DPY19L3: variants seen among roughly 807,000 people sequenced by gnomAD.
DPY19L3 encodes the protein protein C-mannosyl-transferase DPY19L3.
Under a neutral mutation model 92.3 loss-of-function variants are expected in DPY19L3, and 51 were observed. The ratio of observed to expected loss-of-function variants is 0.55; its 90% CI spans 0.44 to 0.70. DPY19L3 has a LOEUF of 0.70. DPY19L3 is among the 30% of genes least tolerant of loss of function. DPY19L3 has a pLI of 0.00. For synonymous variants in DPY19L3, 309 were observed against 315.2 expected, an observed-to-expected ratio of 0.98 and a Z score of 0.21; for missense variants, 706 against 855.9, an observed-to-expected ratio of 0.82 and a Z score of 2.18.
intron 1 of DPY19L3, among the ~76,000 whole-genome samples, chr19:32,407,629 A>G (rs1455991788): frequency 2.0e-5 from 3 of 152,158 alleles, no homozygotes; most frequent in Non-Finnish European, 1.5e-5. Context: ...ATGTCCCAAG[A>G]TGTTCTGGAA....
intron 17 of DPY19L3, 87 bp downstream of exon 17, chr19:32,477,741 C>A: frequency 6.5e-7 from 1 of 1,538,428 alleles, no homozygotes; most frequent in Non-Finnish European, 8.8e-7. Context: ...GGGCTGAATG[C>A]TGCACCCTCC....
chr19:32,449,999 G>A (rs1969646161), intron 8 of DPY19L3, among the ~76,000 whole-genome samples: 1 of 132,216 alleles, frequency 7.6e-6, no homozygotes, highest in South Asian at 2.6e-4. Flanking sequence ...GAGAATATTT[G>A]CAATCATATA....
At chr19:32,428,502 A>G (rs1205242635) in intron 3 of DPY19L3, among the ~76,000 whole-genome samples, 1 of 152,134 alleles carries the variant, frequency 6.6e-6, no homozygotes, top group East Asian at 1.9e-4. Context: ...TGGCTGGGAA[A>G]TGAGTAAGAG....
intron 16 of DPY19L3, among the ~76,000 whole-genome samples, chr19:32,472,901 A>T (rs1008544621): frequency 2.0e-5 from 3 of 152,240 alleles, no homozygotes; most frequent in African/African-American, 7.2e-5. Context: ...ACATTTAACC[A>T]AAGCAGAAAG....
chr19:32,423,311 T>C (rs1445426551), intron 3 of DPY19L3, among the ~76,000 whole-genome samples: 1 of 151,806 alleles, frequency 6.6e-6, no homozygotes, highest in African/African-American at 2.4e-5. Context: ...TGATCTTGGC[T>C]CACTGCAACC....
At chr19:32,412,030 C>A (rs1460842348) in intron 3 of DPY19L3, 1 of 152,156 alleles carries the variant, frequency 6.6e-6, no homozygotes, top group Non-Finnish European at 1.5e-5. Flanking sequence ...GCATGCACCA[C>A]CTCACCAAGC....
intron 3 of DPY19L3, 138 bp from the exon 4 acceptor site, chr19:32,432,578 G>T: frequency 1.6e-6 from 1 of 643,424 alleles, no homozygotes; most frequent in South Asian, 2.1e-5. Flanking sequence ...TTCCATTCTT[G>T]TTTGCCAAGA....
At chr19:32,407,273 C>CT (rs754062545) in intron 1 of DPY19L3, among the ~76,000 whole-genome samples, 1 of 100,362 alleles carries the variant, frequency 1.0e-5, no homozygotes, top group African/African-American at 3.9e-5. Context: ...CTCCCCCCCA[C>CT]CCATTACTCC....
At chr19:32,457,799 C>T (rs994273945) in intron 10 of DPY19L3, among the ~76,000 whole-genome samples, 3 of 152,194 alleles carry the variant, frequency 2.0e-5, no homozygotes, top group African/African-American at 7.2e-5. Context: ...ATGCCTCAGC[C>T]TTCTCCCTCT....
intron 2 of DPY19L3, among the ~76,000 whole-genome samples, chr19:32,409,106 G>T (rs1968086411): frequency 6.6e-6 from 1 of 152,248 alleles, no homozygotes; most frequent in African/African-American, 2.4e-5. Flanking sequence ...GGGAGGTCAT[G>T]ACACCTGGCT....
At chr19:32,455,154 G>A in intron 10 of DPY19L3, 114 bp downstream of exon 10, 1 of 712,644 alleles carries the variant, frequency 1.4e-6, no homozygotes, top group Middle Eastern at 4.4e-4. Context: ...TAGAGACAGG[G>A]TCTTGCCGTT....
chr19:32,458,195 ATGTT>A, intron 11 of DPY19L3, 22 bp downstream of exon 11: 1 of 1,604,882 alleles, frequency 6.2e-7, no homozygotes, highest in African/African-American at 1.3e-5. Context: ...TTGAAAGTCT[ATGTT>A]TGCTATTTTC....
chr19:32,419,049 C>T (rs1477072101), intron 3 of DPY19L3, among the ~76,000 whole-genome samples: 1 of 151,528 alleles, frequency 6.6e-6, no homozygotes. Context: ...ATTATATTTC[C>T]CTTGCTAGGA....
intron 1 of DPY19L3, chr19:32,406,305 A>T (rs1456758502): frequency 6.6e-6 from 1 of 152,286 alleles, no homozygotes; most frequent in Non-Finnish European, 1.5e-5. Context: ...GCGCGTAGGT[A>T]AGCGGACCCG....
At chr19:32,416,931 G>A (rs1399142472) in intron 3 of DPY19L3, among the ~76,000 whole-genome samples, 1 of 152,240 alleles carries the variant, frequency 6.6e-6, no homozygotes, top group Admixed American at 6.5e-5. Flanking sequence ...AGGCCACATG[G>A]TTGAGTGTTC....
chr19:32,408,020 G>T (rs1331308273), intron 1 of DPY19L3, among the ~76,000 whole-genome samples, 197 bp from the exon 2 acceptor site: 1 of 152,092 alleles, frequency 6.6e-6, no homozygotes, highest in Non-Finnish European at 1.5e-5. Context: ...TGGAAGTAGA[G>T]GCTACAGTGA....
rs370469493 is a variant in DPY19L3, at chr19:32,436,375, GT to G, written c.329-70del. 6 of 1,215,098 alleles carry G rather than the reference GT, an allele frequency of 4.9e-6. No individual in the cohort carries two copies. The African/African-American group carries it at 9.2e-5, about 19-fold the overall frequency. The allele number at this position is 1,215,098 out of a possible 1,614,324, so 75.3% of individuals were successfully genotyped here. On this transcript the variant is annotated intron_variant, in intron 4 of 18. Coordinates refer to ENST00000392250, the MANE Select transcript of DPY19L3 (RefSeq NM_001172774.2). ...GTCTCTAGCACTTACTAAACAATCT[GT>G]GCATAGTTTTGAATGAATGAATAAT...
chr19:32,418,023 A>C (rs1297847610), intron 3 of DPY19L3, among the ~76,000 whole-genome samples: 1 of 152,044 alleles, frequency 6.6e-6, no homozygotes, highest in Non-Finnish European at 1.5e-5. Context: ...GGAAATGGGC[A>C]TTTTCATCTT....
At position 32,468,730 on chromosome 19, in the gene DPY19L3, G is replaced by C. The variant is rs1239018355; in HGVS notation, c.1615-1G>C. The C allele has an allele frequency of 6.2e-7, 1 of 1,613,592 alleles. No individual in the cohort carries two copies. Among genetic ancestry groups the C allele is most frequent in the Non-Finnish European group, 8.5e-7 (1 of 1,179,792 alleles). On this transcript the variant is annotated splice_acceptor_variant, in intron 15 of 18. Transcript: ENST00000392250. LOFTEE classifies it high-confidence loss of function. ...TTGTTTTGTTTTGTTTTTAATTTCA[G>C]TTCTGGCCAGGAATGATGGATGAAC...
Sources: allele counts gnomAD v4.1 joint callset (sites outside exome capture counted in the v4.1 genomes callset), GRCh38; gene constraint gnomAD v4.1.1; transcripts MANE v1.5; gene names NCBI Gene and HGNC (gene_info 2026-07-23, HGNC 2026-07-21).